Variants in AGPS observed in about 807,000 individuals in gnomAD.
The protein encoded by AGPS is alkyldihydroxyacetonephosphate synthase, peroxisomal.
Under a neutral mutation model 90.7 loss-of-function variants are expected in AGPS, and 26 were observed. That is an observed-to-expected ratio of 0.29 (90% CI 0.21 to 0.40). The LOEUF (loss-of-function observed/expected upper bound fraction) is 0.40. Ranked by LOEUF, AGPS falls within the 10% of genes least tolerant of loss-of-function variation. The probability of loss-of-function intolerance (pLI) is 1.00; values close to 1 mark genes in which losing one functional copy is unlikely to be tolerated. For missense variants in AGPS, 540 were observed against 816.1 expected, an observed-to-expected ratio of 0.66 and a Z score of 4.12; for synonymous variants, 294 against 285.3, an observed-to-expected ratio of 1.03 and a Z score of -0.31.
At chr2:177,433,472 A>T (rs1032609063) in intron 2 of AGPS, among the ~76,000 whole-genome samples, 1 of 152,190 alleles carries the variant, frequency 6.6e-6, no homozygotes, top group African/African-American at 2.4e-5. Flanking sequence ...TGGCGTAGCA[A>T]CAATAGCTGC....
At chr2:177,425,772 C>T (rs993439235) in intron 2 of AGPS, among the ~76,000 whole-genome samples, 76 of 152,008 alleles carry the variant, frequency 5.0e-4, no homozygotes, top group Non-Finnish European at 1.0e-3. Flanking sequence ...TGTGCCAGTA[C>T]CATGATGTTT....
intron 16 of AGPS, among the ~76,000 whole-genome samples, chr2:177,509,535 G>A (rs1210491570): frequency 2.0e-5 from 3 of 151,810 alleles, no homozygotes; most frequent in East Asian, 3.9e-4. Flanking sequence ...GCCTGGTGGC[G>A]GGCGTCTGTA....
chr2:177,402,160 G>A (rs1454541673), intron 1 of AGPS, among the ~76,000 whole-genome samples: 1 of 152,206 alleles, frequency 6.6e-6, no homozygotes, highest in Non-Finnish European at 1.5e-5. Context: ...AGGGTAAGGA[G>A]GTAGGGTTCA....
chr2:177,425,622 GAAAAAAAA>G (rs1159060576), intron 2 of AGPS, among the ~76,000 whole-genome samples: 2 of 95,278 alleles, frequency 2.1e-5, no homozygotes, highest in Non-Finnish European at 3.9e-5. Flanking sequence ...ACTCTGCCTA[GAAAAAAAA>G]AAAAAAAAAA....
chr2:177,492,982 A>G (rs1688311617), intron 11 of AGPS, among the ~76,000 whole-genome samples, 166 bp from the exon 12 acceptor site: 2 of 152,202 alleles, frequency 1.3e-5, no homozygotes, highest in Admixed American at 6.5e-5. Context: ...AGTCATTGAT[A>G]TTTGTCTTCA....
At chr2:177,434,081 T>C (rs1366607650) in intron 2 of AGPS, among the ~76,000 whole-genome samples, 1 of 152,188 alleles carries the variant, frequency 6.6e-6, no homozygotes, top group East Asian at 1.9e-4. Context: ...TATGAACTTA[T>C]GTAGTATTTT....
intron 7 of AGPS, among the ~76,000 whole-genome samples, chr2:177,443,710 A>G (rs927706437): frequency 6.6e-6 from 1 of 152,254 alleles, no homozygotes; most frequent in Non-Finnish European, 1.5e-5. Flanking sequence ...AAGGTTCCCC[A>G]TTAACCTATC....
intron 18 of AGPS, among the ~76,000 whole-genome samples, chr2:177,522,353 T>TC (rs1250165817): frequency 6.6e-6 from 1 of 152,178 alleles, no homozygotes; most frequent in African/African-American, 2.4e-5. Context: ...GTGCTACTGA[T>TC]CTCAAGTAGC....
At chr2:177,450,964 A>ATATATATATACACATAGATGTATATATG (rs1553511651) in intron 8 of AGPS, among the ~76,000 whole-genome samples, 1 of 123,750 alleles carries the variant, frequency 8.1e-6, no homozygotes, top group African/African-American at 3.7e-5. Flanking sequence ...CATGTCTTTC[A>ATATATATATACACATAGATGTATATATG]TATATATATA....
chr2:177,396,532 G>A (rs1260485549), intron 1 of AGPS, among the ~76,000 whole-genome samples: 2 of 152,172 alleles, frequency 1.3e-5, no homozygotes, highest in African/African-American at 4.8e-5. Context: ...TGATCAGATT[G>A]GGTTTGGGTT....
chr2:177,506,871 TC>T (rs553361856), intron 15 of AGPS, among the ~76,000 whole-genome samples: 62 of 152,096 alleles, frequency 4.1e-4, no homozygotes, highest in African/African-American at 1.3e-3. Context: ...TTAGGCATTT[TC>T]TCTGAGGATA....
chr2:177,430,163 A>C (rs1686198239), intron 2 of AGPS, among the ~76,000 whole-genome samples: 2 of 152,236 alleles, frequency 1.3e-5, no homozygotes, highest in South Asian at 4.1e-4. Flanking sequence ...AGAACAGCTG[A>C]GTCAACCTAA....
chr2:177,440,551 C>T (rs76048914), intron 5 of AGPS, among the ~76,000 whole-genome samples: 5,336 of 152,170 alleles, frequency 0.035, 204 homozygotes, highest in African/African-American at 0.097. Flanking sequence ...AAAGAAGACA[C>T]AAGGCAACTA....
intron 1 of AGPS, among the ~76,000 whole-genome samples, chr2:177,406,454 A>C (rs964835995): frequency 6.6e-6 from 1 of 152,222 alleles, no homozygotes; most frequent in Non-Finnish European, 1.5e-5. Flanking sequence ...TATAGAAGTG[A>C]CTTTTAGACT....
Position 177,513,797 on chromosome 2 carries a change from G to A in AGPS, c.1608-22G>A, listed in dbSNP as rs145105459. The A allele has an allele frequency of 6.8e-5, 106 of 1,557,096 alleles. No homozygotes were observed. In the East Asian group the frequency reaches 1.8e-3, roughly 26 times the overall value. On this transcript the variant is annotated intron_variant, in intron 16 of 19. Transcript: ENST00000264167. ...AGTTCTCACTTGAAAACTTAATATTGTATTCATTTATCTTTTTTTAGGGTG... is the reference window on the plus strand; with the variant it reads ...AGTTCTCACTTGAAAACTTAATATTATATTCATTTATCTTTTTTTAGGGTG...
intron 16 of AGPS, among the ~76,000 whole-genome samples, 174 bp downstream of exon 16, chr2:177,508,205 T>C (rs2105720872): frequency 6.6e-6 from 1 of 152,288 alleles, no homozygotes; most frequent in Admixed American, 6.5e-5. Context: ...TTTTCAAGTG[T>C]TTTATTGGGT....
intron 10 of AGPS, among the ~76,000 whole-genome samples, chr2:177,477,126 C>A (rs1277753783): frequency 6.6e-6 from 1 of 151,930 alleles, no homozygotes; most frequent in African/African-American, 2.4e-5. Flanking sequence ...GTTGTTTAGT[C>A]CATTCACATT....
At chr2:177,516,034 G>T (rs534930459) in intron 17 of AGPS, among the ~76,000 whole-genome samples, 1 of 152,200 alleles carries the variant, frequency 6.6e-6, no homozygotes, top group South Asian at 2.1e-4. Context: ...CACTACCTGG[G>T]TGATAGGATC....
chr2:177,474,017 G>A (rs1315249832), intron 10 of AGPS, among the ~76,000 whole-genome samples: 2 of 151,410 alleles, frequency 1.3e-5, no homozygotes, highest in Non-Finnish European at 2.9e-5. Flanking sequence ...CTTCTTACTA[G>A]TACCTTAGAA....
Sources: allele counts gnomAD v4.1 joint callset (sites outside exome capture counted in the v4.1 genomes callset), GRCh38; gene constraint gnomAD v4.1.1; transcripts MANE v1.5; gene names NCBI Gene and HGNC (gene_info 2026-07-23, HGNC 2026-07-21).